Variants in TRIM33 observed in about 807,000 individuals in gnomAD.
TRIM33 encodes E3 ubiquitin-protein ligase TRIM33.
In TRIM33, 20 loss-of-function variants were observed where a neutral mutation model predicts 125.4. The ratio of observed to expected loss-of-function variants is 0.16; its 90% CI spans 0.11 to 0.23. The LOEUF (loss-of-function observed/expected upper bound fraction) is 0.23, where lower values mean the gene tolerates loss of function less well. TRIM33 is among the 10% of genes least tolerant of loss of function. TRIM33 has a pLI of 1.00. For synonymous variants in TRIM33, 564 were observed against 513.9 expected (o/e 1.10, Z -1.32); for missense variants, 920 against 1,411.4 (o/e 0.65, Z 5.58).
intron 1 of TRIM33, chr1:114,490,804 A>T (rs116336869): frequency 1.3e-5 from 2 of 152,186 alleles, no homozygotes; most frequent in African/African-American, 4.8e-5. Context: ...CTCTCTCCTC[A>T]TATCACTACT....
chr1:114,408,542 A>G (rs1235397601), intron 13 of TRIM33, 135 bp downstream of exon 13: 1 of 573,360 alleles, frequency 1.7e-6, no homozygotes, highest in East Asian at 3.4e-5. Flanking sequence ...AGAAGAAACA[A>G]GATTGGCCAT....
chr1:114,432,216 T>A (rs1351287893), intron 5 of TRIM33, among the ~76,000 whole-genome samples: 2 of 152,176 alleles, frequency 1.3e-5, no homozygotes, highest in Non-Finnish European at 2.9e-5. Flanking sequence ...CTGGAACACG[T>A]GTACAAAATA....
chr1:114,426,469 A>G (rs1647587799), intron 8 of TRIM33, among the ~76,000 whole-genome samples: 1 of 151,858 alleles, frequency 6.6e-6, no homozygotes, highest in Non-Finnish European at 1.5e-5. Context: ...CTATAGCTAA[A>G]TTTGAATATA....
intron 4 of TRIM33, among the ~76,000 whole-genome samples, chr1:114,452,237 G>C (rs144236895): frequency 1.3e-5 from 2 of 152,052 alleles, no homozygotes; most frequent in Admixed American, 1.3e-4. Flanking sequence ...ACTGGTGGGC[G>C]GATCACGAGG....
intron 1 of TRIM33, among the ~76,000 whole-genome samples, chr1:114,484,142 C>T (rs555323705): frequency 1.7e-4 from 26 of 152,088 alleles, no homozygotes; most frequent in Non-Finnish European, 3.5e-4. Context: ...GTCTGCCAGA[C>T]AAAATTCAAG....
intron 15 of TRIM33, 120 bp downstream of exon 15, chr1:114,405,290 G>C (rs1334146682): frequency 1.4e-6 from 1 of 712,766 alleles, no homozygotes; most frequent in African/African-American, 1.8e-5. Flanking sequence ...AGAATAACAG[G>C]CTCCCTGTTT....
At chr1:114,416,465 T>C (rs1161132035) in intron 11 of TRIM33, among the ~76,000 whole-genome samples, 1 of 152,262 alleles carries the variant, frequency 6.6e-6, no homozygotes, top group African/African-American at 2.4e-5. Context: ...TACATCTGAC[T>C]TAGTATAATC....
intron 1 of TRIM33, among the ~76,000 whole-genome samples, chr1:114,503,351 T>C (rs1036146605): frequency 4.6e-5 from 7 of 152,006 alleles, no homozygotes; most frequent in Non-Finnish European, 7.4e-5. Context: ...CATGGTAGCG[T>C]GTGCCTGTAA....
In TRIM33 at chr1:114,393,481, T is replaced by C. The variant is rs1383208414; in HGVS notation, c.*4167A>G. 1.0e-5 allele frequency: 2 copies of C among 200,732 alleles called. No homozygotes were observed. The highest frequency in any genetic ancestry group is 1.5e-4 in the East Asian group (2 of 13,006). The allele number at this position is 200,732 out of a possible 1,614,324, so 12.4% of individuals were successfully genotyped here. A position where few individuals can be genotyped will look rare whatever the true frequency, so the allele number is the denominator to read the frequency against. ...ATTTTTAATTTTAAAGATCACTTTC[T>C]AGAAAAGGGCTAAACTTAACTTTGT... On this transcript the variant is annotated 3_prime_UTR_variant, in exon 20 of 20. Coordinates refer to ENST00000358465, the MANE Select transcript of TRIM33 (RefSeq NM_015906.4).
At chr1:114,481,657 GTGTGTA>G (rs1028369158) in intron 1 of TRIM33, among the ~76,000 whole-genome samples, 2 of 141,822 alleles carry the variant, frequency 1.4e-5, no homozygotes, top group Non-Finnish European at 3.1e-5. Context: ...GTGTGTGTGT[GTGTGTA>G]TATATATGTG....
chr1:114,445,010 G>C, intron 4 of TRIM33, among the ~76,000 whole-genome samples: 1 of 152,106 alleles, frequency 6.6e-6, no homozygotes, highest in East Asian at 1.9e-4. Flanking sequence ...GGAAATTCTA[G>C]AAAAGTACAA....
At chr1:114,508,587 C>G (rs1653144759) in intron 1 of TRIM33, among the ~76,000 whole-genome samples, 1 of 152,106 alleles carries the variant, frequency 6.6e-6, no homozygotes, top group African/African-American at 2.4e-5. Flanking sequence ...AATCTGAAAA[C>G]ATTTTATCCT....
At chr1:114,412,005 CAA>C (rs1309528366) in intron 11 of TRIM33, among the ~76,000 whole-genome samples, 1 of 151,910 alleles carries the variant, frequency 6.6e-6, no homozygotes, top group Non-Finnish European at 1.5e-5. Context: ...TCACAAAAGA[CAA>C]AGATAATTTA....
intron 1 of TRIM33, among the ~76,000 whole-genome samples, chr1:114,481,675 GTA>G (rs34435178): frequency 0.29 from 42,103 of 147,484 alleles, 6,497 homozygotes; most frequent in African/African-American, 0.39. Flanking sequence ...ATATATGTGT[GTA>G]TATATATATA....
chr1:114,476,218 A>C (rs1650969597), intron 1 of TRIM33, among the ~76,000 whole-genome samples: 2 of 151,236 alleles, frequency 1.3e-5, no homozygotes, highest in Admixed American at 1.3e-4. Flanking sequence ...AAAAACAAAT[A>C]AGAAAAAAAA....
chr1:114,415,779 T>C (rs778303634), intron 11 of TRIM33, among the ~76,000 whole-genome samples: 2 of 151,774 alleles, frequency 1.3e-5, no homozygotes, highest in Non-Finnish European at 2.9e-5. Context: ...GGTGAAACCC[T>C]GTCTCTACTA....
intron 4 of TRIM33, among the ~76,000 whole-genome samples, chr1:114,454,776 G>C (rs1368486781): frequency 6.6e-6 from 1 of 151,980 alleles, no homozygotes; most frequent in African/African-American, 2.4e-5. Context: ...CTTGACACTG[G>C]GCCAAGCTCA....
chr1:114,431,802 T>C (rs184886409), intron 5 of TRIM33, among the ~76,000 whole-genome samples: 3 of 152,348 alleles, frequency 2.0e-5, no homozygotes, highest in Admixed American at 1.3e-4. Context: ...CTTGAAAATT[T>C]TGAGTTTTGT....
intron 4 of TRIM33, among the ~76,000 whole-genome samples, chr1:114,435,396 C>T (rs527917292): frequency 1.3e-3 from 204 of 152,228 alleles, no homozygotes; most frequent in African/African-American, 4.8e-3. Flanking sequence ...AGTCAAGAAA[C>T]AAATCATTGG....
Sources: allele counts gnomAD v4.1 joint callset (sites outside exome capture counted in the v4.1 genomes callset), GRCh38; gene constraint gnomAD v4.1.1; transcripts MANE v1.5; gene names NCBI Gene and HGNC (gene_info 2026-07-23, HGNC 2026-07-21).